The following ALDH1A2 variants were observed in gnomAD, a reference collection of about 807,000 sequenced individuals.
ALDH1A2 encodes the protein aldehyde dehydrogenase 1 family member A2.
Under a neutral mutation model 60.3 loss-of-function variants are expected in ALDH1A2, and 27 were observed. The ratio of observed to expected loss-of-function variants is 0.45; its 90% CI spans 0.33 to 0.62. The LOEUF is 0.62. Ranked by LOEUF, ALDH1A2 falls within the 20% of genes least tolerant of loss-of-function variation. The pLI, the probability that ALDH1A2 is intolerant of heterozygous loss-of-function variation, is 0.02. For synonymous variants in ALDH1A2, 289 were observed against 232.4 expected (o/e 1.24, Z -2.21); for missense variants, 581 against 643.8 (o/e 0.90, Z 1.06).
chr15:57,963,434 G>C (rs186259543), intron 9 of ALDH1A2, among the ~76,000 whole-genome samples: 3 of 150,598 alleles, frequency 2.0e-5, no homozygotes, highest in Admixed American at 6.6e-5. Context: ...CCATCTCCCG[G>C]GTTCACGCCA....
intron 4 of ALDH1A2, among the ~76,000 whole-genome samples, chr15:58,007,708 T>C (rs1895504146): frequency 6.6e-6 from 1 of 151,804 alleles, no homozygotes; most frequent in East Asian, 1.9e-4. Context: ...CAACATAAAA[T>C]TAGGTTGTTT....
chr15:58,005,579 G>A (rs1895423206), intron 4 of ALDH1A2, among the ~76,000 whole-genome samples: 1 of 152,006 alleles, frequency 6.6e-6, no homozygotes, highest in South Asian at 2.1e-4. Flanking sequence ...ATGGGAATGA[G>A]TGAAAGACAT....
intron 7 of ALDH1A2, among the ~76,000 whole-genome samples, chr15:57,981,463 G>A (rs1354576298): frequency 6.6e-6 from 1 of 152,124 alleles, no homozygotes; most frequent in African/African-American, 2.4e-5. Context: ...ATTTGCAAAT[G>A]GAAGTTTCAG....
intron 4 of ALDH1A2, among the ~76,000 whole-genome samples, chr15:58,006,152 T>C (rs1160707532): frequency 6.6e-6 from 1 of 151,854 alleles, no homozygotes; most frequent in African/African-American, 2.4e-5. Flanking sequence ...GTACCCAATA[T>C]GTAGTCTTTT....
intron 8 of ALDH1A2, among the ~76,000 whole-genome samples, chr15:57,965,034 G>A (rs1173200078): frequency 1.3e-5 from 2 of 151,856 alleles, no homozygotes; most frequent in African/African-American, 4.8e-5. Flanking sequence ...AAGAATCACT[G>A]AATGAGATGG....
intron 1 of ALDH1A2, among the ~76,000 whole-genome samples, chr15:58,060,900 T>A (rs1489576862): frequency 1.3e-5 from 2 of 152,236 alleles, no homozygotes; most frequent in African/African-American, 4.8e-5. Context: ...CTCTGGGTGA[T>A]GGGACTTGGG....
chr15:58,012,085 C>G (rs746616939), intron 3 of ALDH1A2: 1 of 152,138 alleles, frequency 6.6e-6, no homozygotes, highest in Non-Finnish European at 1.5e-5. Flanking sequence ...CTAAAACTCA[C>G]TTTTCTCATA....
chr15:58,064,943 G>A (rs566349455), intron 1 of ALDH1A2, among the ~76,000 whole-genome samples: 25 of 152,130 alleles, frequency 1.6e-4, no homozygotes, highest in Non-Finnish European at 3.2e-4. Flanking sequence ...GGAAACTGCC[G>A]CTGCCTACAA....
chr15:57,965,925 C>A, intron 7 of ALDH1A2, 98 bp from the exon 8 acceptor site: 1 of 933,548 alleles, frequency 1.1e-6, no homozygotes, highest in Non-Finnish European at 1.7e-6. Flanking sequence ...GCAACAGTAA[C>A]AAACCCTAAA....
intron 1 of ALDH1A2, among the ~76,000 whole-genome samples, chr15:58,037,385 T>C (rs1251963086): frequency 2.0e-5 from 3 of 151,614 alleles, no homozygotes; most frequent in African/African-American, 7.3e-5. Context: ...GAAGAGACTT[T>C]TAAAAGCCAA....
At chr15:58,059,313 A>T (rs1896966869) in intron 1 of ALDH1A2, among the ~76,000 whole-genome samples, 1 of 152,202 alleles carries the variant, frequency 6.6e-6, no homozygotes, top group Non-Finnish European at 1.5e-5. Context: ...CACAGTCAAT[A>T]AAGAAATTAA....
chr15:57,969,302 G>C (rs979615093), intron 7 of ALDH1A2, among the ~76,000 whole-genome samples: 5 of 152,090 alleles, frequency 3.3e-5, no homozygotes, highest in Non-Finnish European at 7.3e-5. Flanking sequence ...AATAAATGTG[G>C]CTTTGCAGTC....
chr15:58,006,335 G>A (rs550609227), intron 4 of ALDH1A2, among the ~76,000 whole-genome samples: 22 of 152,084 alleles, frequency 1.4e-4, no homozygotes, highest in Admixed American at 5.9e-4. Flanking sequence ...ATGTTGCAAA[G>A]ACCATTATTT....
At chr15:58,014,090 T>C (rs559629644) in intron 2 of ALDH1A2, 87 bp downstream of exon 2, 24 of 1,613,830 alleles carry the variant, frequency 1.5e-5, no homozygotes, top group Non-Finnish European at 2.0e-5. Context: ...CATGAGCATG[T>C]AGTGGTGTAC....
intron 1 of ALDH1A2, among the ~76,000 whole-genome samples, chr15:58,031,487 T>C (rs1178519642): frequency 6.6e-6 from 1 of 152,040 alleles, no homozygotes; most frequent in African/African-American, 2.4e-5. Flanking sequence ...ACCAAAGCAA[T>C]GGCAACAAAA....
intron 7 of ALDH1A2, among the ~76,000 whole-genome samples, chr15:57,970,934 C>A (rs2140460648): frequency 6.6e-6 from 1 of 152,254 alleles, no homozygotes; most frequent in Non-Finnish European, 1.5e-5. Flanking sequence ...GGGTGTTTGT[C>A]TTTCTGAAGT....
intron 7 of ALDH1A2, among the ~76,000 whole-genome samples, chr15:57,969,652 A>T (rs80118736): frequency 6.6e-6 from 1 of 152,206 alleles, no homozygotes; most frequent in Non-Finnish European, 1.5e-5. Flanking sequence ...ACCAAGTCCT[A>T]TTCTGATGAA....
intron 1 of ALDH1A2, among the ~76,000 whole-genome samples, chr15:58,015,663 T>TA (rs1895770254): frequency 1.3e-5 from 2 of 152,160 alleles, no homozygotes; most frequent in Non-Finnish European, 2.9e-5. Context: ...ATTTAGTACT[T>TA]ACAATAACCC....
At chr15:57,956,338 A>G (rs111958239) in intron 12 of ALDH1A2, among the ~76,000 whole-genome samples, 3 of 152,348 alleles carry the variant, frequency 2.0e-5, no homozygotes, top group Admixed American at 2.0e-4. Context: ...AATATGAAAC[A>G]ATTAAATGAT....
Sources: allele counts gnomAD v4.1 joint callset (sites outside exome capture counted in the v4.1 genomes callset), GRCh38; gene constraint gnomAD v4.1.1; transcripts MANE v1.5; gene names NCBI Gene and HGNC (gene_info 2026-07-23, HGNC 2026-07-21).